The following STAB2 variants were observed in gnomAD, a reference collection of about 807,000 sequenced individuals.
STAB2 encodes the protein stabilin-2.
Under a neutral mutation model 338.1 loss-of-function variants are expected in STAB2, and 288 were observed. The ratio of observed to expected loss-of-function variants is 0.85; its 90% CI spans 0.77 to 0.94. STAB2 has a LOEUF of 0.94. Ranked by LOEUF, STAB2 falls within the 40% of genes least tolerant of loss-of-function variation. The pLI is 0.00. For missense variants in STAB2, 3,141 were observed against 3,210.1 expected (o/e 0.98, Z 0.52); for synonymous variants, 1,202 against 1,193.3 (o/e 1.01, Z -0.15).
intron 5 of STAB2, among the ~76,000 whole-genome samples, chr12:103,622,473 A>G (rs1957317667): frequency 6.6e-6 from 1 of 152,238 alleles, no homozygotes; most frequent in Non-Finnish European, 1.5e-5. Context: ...TGATCCAAGT[A>G]TGGCTGCTGG....
At chr12:103,621,709 C>A (rs117130272) in intron 4 of STAB2, among the ~76,000 whole-genome samples, 8,862 of 152,260 alleles carry the variant, frequency 0.058, 290 homozygotes, top group Non-Finnish European at 0.083. Flanking sequence ...GGTGACGGAG[C>A]GAGACTCAGT....
intron 12 of STAB2, 68 bp downstream of exon 12, chr12:103,652,773 C>G (rs1218292013): frequency 7.0e-7 from 1 of 1,431,578 alleles, no homozygotes; most frequent in Non-Finnish European, 9.2e-7. Flanking sequence ...ATATCCTTCT[C>G]TCTCTTTTTG....
rs1478161710 is a variant in STAB2, at chr12:103,726,165, T to C, written c.4851+2T>C. The stretch of plus-strand genomic sequence containing the variant: ...TCCCAGTATTTCTTCCAGTTGCAGG[T>C]AGGAAATATACATGTCTGTCTAGCC... On this transcript the variant is annotated splice_donor_variant, in intron 46 of 68. Coordinates refer to ENST00000388887, the MANE Select transcript of STAB2 (RefSeq NM_017564.10). LOFTEE classifies it high-confidence loss of function. 1 of 1,613,812 alleles carries C rather than the reference T, an allele frequency of 6.2e-7. No individual in the cohort carries two copies.
intron 66 of STAB2, among the ~76,000 whole-genome samples, chr12:103,761,879 G>A (rs1163321264): frequency 1.3e-5 from 2 of 152,188 alleles, no homozygotes; most frequent in Non-Finnish European, 2.9e-5. Flanking sequence ...GATGGTGGTT[G>A]TTAGTATTCT....
At chr12:103,661,234 AAAAG>A (rs1171500846) in intron 17 of STAB2, among the ~76,000 whole-genome samples, 39 of 151,246 alleles carry the variant, frequency 2.6e-4, no homozygotes, top group African/African-American at 8.0e-4. Flanking sequence ...AAAAAAAAAA[AAAAG>A]AGAGAGAGCA....
Position 103,706,656 on chromosome 12 carries a change from C to T in STAB2, c.3997-136C>T, listed in dbSNP as rs867587651. On this transcript the variant is annotated intron_variant, in intron 37 of 68. Coordinates refer to ENST00000388887, the MANE Select transcript of STAB2 (RefSeq NM_017564.10). ...TCACCCAGTCCCCAGAGGGTCCTGC[C>T]CCCACCCCTCACCCACTCCATGTGA... 3 of 1,186,220 alleles carry T rather than the reference C, an allele frequency of 2.5e-6. No homozygotes were observed. The African/African-American group carries it at 4.5e-5, about 18-fold the overall frequency. The allele number at this position is 1,186,220 out of a possible 1,614,324, so 73.5% of individuals were successfully genotyped here.
rs1481943777 is a variant in STAB2 at position 103,737,732 on chromosome 12, T to C, written c.5649T>C (p.Asp1883=). 2 of 1,613,716 alleles carry C rather than the reference T, an allele frequency of 1.2e-6. No homozygotes were observed. The highest frequency in any genetic ancestry group is 2.7e-5 in the African/African-American group (2 of 74,814). Residue 1883 remains aspartate, a synonymous_variant, in exon 53 of 69, where the codon GAT becomes GAC. Transcript: ENST00000388887. The part of the protein sequence containing the change: ...VAYGIDCLLI[D]PTLGGRCDTF... ...ACGGCATTGACTGTCTGCTGATTGA[T>C]CCCACCCTGGGGGGCCGCTGTGACA...
chr12:103,656,977 C>T (rs1422071191), intron 15 of STAB2, among the ~76,000 whole-genome samples: 8 of 151,980 alleles, frequency 5.3e-5, no homozygotes, highest in East Asian at 1.9e-4. Flanking sequence ...TGAGCCACCG[C>T]GCCCGGCCAG....
intron 25 of STAB2, among the ~76,000 whole-genome samples, chr12:103,681,649 G>GTCTCGC (rs1251720516): frequency 4.1e-5 from 5 of 121,690 alleles, no homozygotes; most frequent in African/African-American, 1.6e-4. Flanking sequence ...TTGAGACAGA[G>GTCTCGC]TCTCGCTCTG....
rs766909847 is a variant in STAB2 at position 103,705,685 on chromosome 12, C to G, written c.3954C>G (p.Thr1318=). The G allele has an allele frequency of 1.9e-5, 31 of 1,614,124 alleles. No homozygotes were observed. The Middle Eastern group carries it at 4.9e-4, about 26-fold the overall frequency. ...CCTCCTATTTCATGGGAAGACGAAC[C>G]CTGTTTATTGGGTGCCAGCCAAAAT... ...IYTSYFMGRR[T]LFIGCQPKCV... The change falls in exon 37 of 69, where the codon ACC becomes ACG. Residue 1318 remains threonine (T), a synonymous_variant. Transcript: ENST00000388887.
In STAB2 at chr12:103,683,103, C is replaced by T. The variant is rs560668462; in HGVS notation, c.2806-102C>T. 177 of 954,138 alleles carry T rather than the reference C, an allele frequency of 1.9e-4. 3 individuals are homozygous for T. The South Asian group carries it at 2.9e-3, about 16-fold the overall frequency. 59.1% of individuals were successfully genotyped at this position (954,138 alleles called of 1,614,324 possible). ...AACACTGTTCTCTGGGACAGCCAAG[C>T]AGCTTCAGTTTCCATAGTACGTTTC... On this transcript the variant is annotated intron_variant, in intron 25 of 68. Transcript: ENST00000388887.
rs757706381 is a variant in STAB2, at chr12:103,729,033, A to G, written c.5082+38A>G. On this transcript the variant is annotated intron_variant, in intron 48 of 68. Coordinates refer to ENST00000388887, the MANE Select transcript of STAB2 (RefSeq NM_017564.10). ...TATCCTTAGGTCCTCTCTCCCCTAG[A>G]TCATGTCCTTTGCAGGAACCTGGAT... 3.1e-6 allele frequency: 5 copies of G among 1,607,228 alleles called. No individual in the cohort carries two copies. In the East Asian group the frequency reaches 1.1e-4, roughly 36 times the overall value.
At chr12:103,660,948 T>C (rs2138769352) in intron 17 of STAB2, among the ~76,000 whole-genome samples, 185 bp downstream of exon 17, 1 of 152,296 alleles carries the variant, frequency 6.6e-6, no homozygotes, top group South Asian at 2.1e-4. Context: ...GAGTCTGCAC[T>C]AGATGCCGAG....
chr12:103,611,795 G>A (rs1055713052), intron 3 of STAB2, among the ~76,000 whole-genome samples: 41 of 152,120 alleles, frequency 2.7e-4, no homozygotes, highest in African/African-American at 8.0e-4. Flanking sequence ...TGGTCTTTAC[G>A]ATTTGGCATG....
At chr12:103,663,262 A>C (rs911049946) in intron 18 of STAB2, among the ~76,000 whole-genome samples, 1 of 152,218 alleles carries the variant, frequency 6.6e-6, no homozygotes, top group African/African-American at 2.4e-5. Context: ...ATGAATTACC[A>C]CAAACTGGGA....
intron 3 of STAB2, among the ~76,000 whole-genome samples, chr12:103,600,451 G>A (rs1041113798): frequency 2.0e-5 from 3 of 152,172 alleles, no homozygotes; most frequent in African/African-American, 7.2e-5. Context: ...GAGAGACAGA[G>A]GGCACTCTAG....
chr12:103,651,410 T>A lies in STAB2; in HGVS notation c.1257+832T>A, dbSNP rs145971438. 1.7e-3 allele frequency among the ~76,000 whole-genome samples: 251 copies of A among 149,056 alleles called. 1 individual carries two copies. The highest frequency in any genetic ancestry group is 6.0e-3 in the African/African-American group (241 of 40,338). ...CTCACTGCAACCTCTGCCTTCCGGG[T>A]TCAAGCTATTCTCCTGCTTCAGCCT... On this transcript the variant is annotated intron_variant, in intron 11 of 68. Coordinates refer to ENST00000388887, the MANE Select transcript of STAB2 (RefSeq NM_017564.10).
intron 8 of STAB2, 101 bp downstream of exon 8, chr12:103,638,313 C>T: frequency 7.6e-7 from 1 of 1,319,360 alleles, no homozygotes; most frequent in Non-Finnish European, 1.0e-6. Context: ...TTCTCCCTTT[C>T]AATGTTCCGC....
intron 53 of STAB2, among the ~76,000 whole-genome samples, chr12:103,738,564 T>A (rs546011263): frequency 2.5e-4 from 38 of 152,296 alleles, no homozygotes; most frequent in Non-Finnish European, 3.5e-4. Flanking sequence ...TATCCCAAAT[T>A]TTTTGGATCC....
Sources: gnomAD v4.1 joint callset for allele counts (sites outside exome capture counted in the v4.1 genomes callset) on GRCh38, gnomAD v4.1.1 for gene constraint, MANE v1.5 for transcripts, NCBI Gene and HGNC (gene_info 2026-07-23, HGNC 2026-07-21) for gene names.